Variants in CDH23 observed in about 807,000 individuals in gnomAD.
CDH23 encodes cadherin-23.
A neutral mutation model predicts 317.1 loss-of-function variants in CDH23; 189 were observed. That is an observed-to-expected ratio of 0.60 (90% CI 0.53 to 0.67). CDH23 has a LOEUF of 0.67. Ranked by LOEUF, CDH23 falls within the 30% of genes least tolerant of loss-of-function variation. CDH23 has a pLI of 0.00. For missense variants in CDH23, 4,401 were observed against 4,592.4 expected, an observed-to-expected ratio of 0.96 and a Z score of 1.20; for synonymous variants, 1,839 against 1,876.8, an observed-to-expected ratio of 0.98 and a Z score of 0.52.
intron 1 of CDH23, among the ~76,000 whole-genome samples, chr10:71,434,055 G>A (rs1298323411): frequency 3.9e-5 from 6 of 152,036 alleles, no homozygotes; most frequent in Non-Finnish European, 7.4e-5. Flanking sequence ...TTCCCGCTGT[G>A]CACCCCTTCC....
At chr10:71,496,608 C>G (rs1310162018) in intron 3 of CDH23, among the ~76,000 whole-genome samples, 1 of 152,370 alleles carries the variant, frequency 6.6e-6, no homozygotes, top group East Asian at 1.9e-4. Context: ...AAAGCTCCAG[C>G]TGATTCCAGT....
chr10:71,751,879 T>C lies in CDH23; in HGVS notation c.4845+9958T>C. 2 of 1,538,690 alleles carry C rather than the reference T, an allele frequency of 1.3e-6. No individual in the cohort carries two copies. Among genetic ancestry groups the C allele is most frequent in the Non-Finnish European group, 1.8e-6 (2 of 1,140,528 alleles). On this transcript the variant is annotated intron_variant, in intron 38 of 69. Transcript: ENST00000224721. This position sits in a 1 kb window ranked among gnomAD's most constrained non-coding sequence, Gnocchi z 4.9. ...GAATGTTGCTGCCACAGAACCAGAA[T>C]GGAAGGTCATCTGTGCTGTCCGGAG...
intron 22 of CDH23, 115 bp from the exon 23 acceptor site, chr10:71,701,907 A>C: frequency 8.9e-7 from 1 of 1,117,398 alleles, no homozygotes; most frequent in Non-Finnish European, 1.3e-6. Flanking sequence ...TTCCTGGGCC[A>C]GAGCCAGGAT....
chr10:71,815,314 C>A lies in CDH23; in HGVS notation c.*36C>A. 1 of 1,505,090 alleles carries A rather than the reference C, an allele frequency of 6.6e-7. No individual in the cohort carries two copies. The highest frequency in any genetic ancestry group is 1.3e-5 in the South Asian group (1 of 75,364). 93.2% of individuals were successfully genotyped at this position (1,505,090 alleles called of 1,614,324 possible). ...AAGCCTTGTGGGTGTGAGCAGCACC[C>A]ATCCACCGTCCCCTCCCAGGGAGCA... is the stretch of plus-strand genomic sequence containing the variant. On this transcript the variant is annotated 3_prime_UTR_variant, in exon 70 of 70. Transcript: ENST00000224721.
chr10:71,605,998 G>A (rs1564682808), intron 9 of CDH23, among the ~76,000 whole-genome samples: 2 of 152,200 alleles, frequency 1.3e-5, no homozygotes, highest in African/African-American at 2.4e-5. Context: ...GCCTCTCTGA[G>A]GCTTTCCATT....
At chr10:71,725,339 C>T in intron 29 of CDH23, 33 bp from the exon 30 acceptor site, 1 of 1,614,030 alleles carries the variant, frequency 6.2e-7, no homozygotes. Flanking sequence ...CTGGGCAGGG[C>T]CGGTGTTCCA....
At chr10:71,698,367 C>G (rs1865468056) in intron 22 of CDH23, among the ~76,000 whole-genome samples, 1 of 152,102 alleles carries the variant, frequency 6.6e-6, no homozygotes, top group Admixed American at 6.5e-5. Flanking sequence ...TCACAGTGCC[C>G]CAGGTTGAGG....
At chr10:71,765,466 A>G (rs1467808698) in intron 38 of CDH23, among the ~76,000 whole-genome samples, 1 of 152,172 alleles carries the variant, frequency 6.6e-6, no homozygotes, top group Non-Finnish European at 1.5e-5. Context: ...GGTGTGGACA[A>G]GTGGGGCTAG....
chr10:71,776,677 C>A (rs1173468228), intron 38 of CDH23, among the ~76,000 whole-genome samples: 3 of 152,180 alleles, frequency 2.0e-5, no homozygotes, highest in African/African-American at 7.2e-5. Context: ...AAGTGATGTT[C>A]TGGAGCCCAG....
At chr10:71,428,327 G>T (rs1026835640) in intron 1 of CDH23, among the ~76,000 whole-genome samples, 22 of 151,248 alleles carry the variant, frequency 1.5e-4, no homozygotes, top group Non-Finnish European at 2.7e-4. Flanking sequence ...TAGTAGAGAT[G>T]GGGTTTCACC....
chr10:71,803,544 A>C, intron 55 of CDH23, 124 bp downstream of exon 55: 1 of 847,224 alleles, frequency 1.2e-6, no homozygotes, highest in Non-Finnish European at 1.8e-6. Flanking sequence ...GCTCCAGGAA[A>C]AAAAAAACTT....
chr10:71,738,091 G>A (rs917628261), intron 34 of CDH23, among the ~76,000 whole-genome samples: 1 of 152,172 alleles, frequency 6.6e-6, no homozygotes, highest in Non-Finnish European at 1.5e-5. Flanking sequence ...TTACTCATCA[G>A]CCAATTTCAC....
rs74147037 is a variant in CDH23, at chr10:71,719,406, C to G, written c.3370-4639C>G. On this transcript the variant is annotated intron_variant, in intron 28 of 69. Transcript: ENST00000224721. The stretch of plus-strand genomic sequence containing the variant: ...AAGCTCAGTCTAGGACCCTCCTCTT[C>G]CCTTGGAGTTCCACAGAGCAGGACC... Among the ~76,000 whole-genome samples the G allele has an allele frequency of 5.8e-3, 888 of 152,350 alleles. 11 individuals are homozygous for G. Among genetic ancestry groups the G allele is most frequent in the African/African-American group, 0.02 (829 of 41,576 alleles).
intron 67 of CDH23, 36 bp downstream of exon 67, chr10:71,812,645 G>T (rs750745200): frequency 6.2e-7 from 1 of 1,613,474 alleles, no homozygotes; most frequent in African/African-American, 1.3e-5. Flanking sequence ...CAAGGGGCAG[G>T]GGTGGAGGGG....
intron 14 of CDH23, among the ~76,000 whole-genome samples, chr10:71,648,350 G>C (rs1478398519): frequency 6.6e-6 from 1 of 152,218 alleles, no homozygotes; most frequent in African/African-American, 2.4e-5. Flanking sequence ...GAAGGACTGG[G>C]TAAAAGGCAG....
Position 71,793,592 on chromosome 10 carries a change from C to T in CDH23, c.6664C>T (p.Arg2222Cys), listed in dbSNP as rs761082272. ...VGIVAKDDTD[R>C]LVPNQEDAFA... ...CATTGTGGCCAAGGACGACACTGAT[C>T]GCCTGGTGCCCAACCAGGAGGACGC... The change falls in exon 48 of 70, where the codon CGC becomes TGC. Residue 2222 changes from arginine to cysteine, a missense_variant. By Grantham distance (180) the Arg-to-Cys change is radical. Around this residue, in one of 3 missense-constraint regions of CDH23, gnomAD observed 3,068 missense variants for 3,203.3 expected, o/e 0.96. Transcript: ENST00000224721. The T allele has an allele frequency of 2.1e-5, 34 of 1,607,988 alleles. No homozygotes were observed. The highest frequency in any genetic ancestry group is 1.7e-5 in the Admixed American group (1 of 59,884).
chr10:71,441,321 C>T (rs1168314236), intron 2 of CDH23, among the ~76,000 whole-genome samples: 3 of 152,128 alleles, frequency 2.0e-5, no homozygotes, highest in Non-Finnish European at 2.9e-5. Context: ...GTTCGCTGCA[C>T]GGTGGGAGTC....
intron 47 of CDH23, 112 bp downstream of exon 47, chr10:71,791,447 G>T (rs1039332125): frequency 1.0e-5 from 9 of 868,594 alleles, no homozygotes; most frequent in Non-Finnish European, 1.5e-5. Context: ...AGAAAGATGG[G>T]CAGCAGGGTG....
intron 9 of CDH23, among the ~76,000 whole-genome samples, chr10:71,578,611 G>A (rs1434949669): frequency 2.0e-5 from 3 of 152,142 alleles, no homozygotes; most frequent in African/African-American, 7.2e-5. Flanking sequence ...CCCAAAGACT[G>A]ACAAATGGCA....
Sources: gnomAD v4.1 joint callset for allele counts (sites outside exome capture counted in the v4.1 genomes callset) on GRCh38, gnomAD v4.1.1 for gene constraint, gnomAD v4.1.1 regional missense constraint, Gnocchi (gnomAD v3.1) non-coding constraint, MANE v1.5 for transcripts, NCBI Gene and HGNC (gene_info 2026-07-23, HGNC 2026-07-21) for gene names.